BACE2: variants seen among roughly 807,000 people sequenced by gnomAD.
BACE2 encodes the protein beta-secretase 2, also known as 56 kDa aspartic-like protease.
BACE2 carries 17 observed loss-of-function variants against 46.2 expected under a neutral mutation model. That is an observed-to-expected ratio of 0.37 (90% CI 0.25 to 0.55). BACE2 has a LOEUF of 0.55. Among genes scored for constraint, BACE2 ranks in the 20% least tolerant of loss-of-function variants. The pLI is 0.82. For synonymous variants in BACE2, 277 were observed against 295.9 expected (o/e 0.94, Z 0.66); for missense variants, 595 against 698.1 (o/e 0.85, Z 1.66).
At chr21:41,172,019 C>T (rs1337157869) in intron 1 of BACE2, among the ~76,000 whole-genome samples, 1 of 152,224 alleles carries the variant, frequency 6.6e-6, no homozygotes, top group Non-Finnish European at 1.5e-5. Context: ...AAGAAGCCAT[C>T]CAGGCTCCCC....
chr21:41,243,781 A>G (rs1231913312), intron 5 of BACE2, among the ~76,000 whole-genome samples: 2 of 152,184 alleles, frequency 1.3e-5, no homozygotes, highest in African/African-American at 4.8e-5. Flanking sequence ...TCTGAGCTAC[A>G]CCTTTCACCA....
At position 41,275,633 on chromosome 21, in the gene BACE2, G is replaced by T. The variant is rs751218795; in HGVS notation, c.*9G>T. 1 of 1,612,788 alleles carries T rather than the reference G, an allele frequency of 6.2e-7. No individual in the cohort carries two copies. The highest frequency in any genetic ancestry group is 8.5e-7 in the Non-Finnish European group (1 of 1,179,352). ...GACATCGCTGGAAATGAATAGCCAGGCCTGACCTCAAGCAACCATGAACTC... is the reference window on the plus strand; with the variant it reads ...GACATCGCTGGAAATGAATAGCCAGTCCTGACCTCAAGCAACCATGAACTC... On this transcript the variant is annotated 3_prime_UTR_variant, in exon 9 of 9. Transcript: ENST00000330333.
At position 41,246,125 on chromosome 21, in the gene BACE2, C is replaced by T. The variant is rs115324950; in HGVS notation, c.984+62C>T. 2.4e-4 allele frequency: 309 copies of T among 1,314,484 alleles called. 1 individual carries two copies. In the African/African-American group the frequency reaches 3.9e-3, roughly 16 times the overall value. The allele number at this position is 1,314,484 out of a possible 1,614,324, so 81.4% of individuals were successfully genotyped here. ...TGAGTTACAGTCACCTGCTGAGGAG[C>T]AGCACTGCGTGTTCTGAGCATCTCT... On this transcript the variant is annotated intron_variant, in intron 6 of 8. Transcript: ENST00000330333.
At chr21:41,260,665 G>A (rs1239657244) in intron 8 of BACE2, among the ~76,000 whole-genome samples, 1 of 152,202 alleles carries the variant, frequency 6.6e-6, no homozygotes, top group Non-Finnish European at 1.5e-5. Context: ...ATCCGAGAGA[G>A]CATGACGGGG....
intron 8 of BACE2, among the ~76,000 whole-genome samples, chr21:41,271,338 A>G (rs2088432031): frequency 6.6e-6 from 1 of 152,180 alleles, no homozygotes. Flanking sequence ...TTGTTTCTGT[A>G]TGGCCTGTGA....
chr21:41,186,046 T>A (rs1985362745), intron 1 of BACE2: 1 of 152,152 alleles, frequency 6.6e-6, no homozygotes, highest in Admixed American at 6.5e-5. Flanking sequence ...GGTGAAGGGG[T>A]GGCAAGAATG....
intron 1 of BACE2, among the ~76,000 whole-genome samples, chr21:41,216,081 G>A (rs934383786): frequency 1.3e-5 from 2 of 152,190 alleles, no homozygotes; most frequent in Admixed American, 6.5e-5. Context: ...AGAGCGCGTC[G>A]TGTGAAATTT....
At chr21:41,206,525 T>C (rs1030857796) in intron 1 of BACE2, among the ~76,000 whole-genome samples, 26 of 152,362 alleles carry the variant, frequency 1.7e-4, no homozygotes, top group Middle Eastern at 6.8e-3. Flanking sequence ...TGCTATGTGA[T>C]AGAAGACTGT....
At chr21:41,219,330 C>T (rs1986568259) in intron 1 of BACE2, among the ~76,000 whole-genome samples, 1 of 152,100 alleles carries the variant, frequency 6.6e-6, no homozygotes, top group African/African-American at 2.4e-5. Context: ...AATTATTAAA[C>T]ACCAGAAATC....
intron 1 of BACE2, chr21:41,179,003 G>T: frequency 3.2e-6 from 3 of 924,388 alleles, no homozygotes; most frequent in Non-Finnish European, 4.3e-6. Flanking sequence ...GGCTTGAGGA[G>T]GACTGAGCCT....
At chr21:41,274,001 A>G (rs1459027089) in intron 8 of BACE2, among the ~76,000 whole-genome samples, 1 of 152,158 alleles carries the variant, frequency 6.6e-6, no homozygotes, top group Non-Finnish European at 1.5e-5. Context: ...TTGGAAGGTG[A>G]TTAGGTCACG....
At chr21:41,248,444 A>T (rs765287648) in intron 6 of BACE2, among the ~76,000 whole-genome samples, 7 of 152,058 alleles carry the variant, frequency 4.6e-5, no homozygotes, top group Admixed American at 2.6e-4. Context: ...TGGTCATGGC[A>T]CTATCATCTG....
At chr21:41,230,102 C>T (rs990762430) in intron 2 of BACE2, 4 of 152,218 alleles carry the variant, frequency 2.6e-5, no homozygotes, top group Non-Finnish European at 5.9e-5. Context: ...TATAACACAT[C>T]ACGCACCTTT....
intron 1 of BACE2, among the ~76,000 whole-genome samples, chr21:41,194,588 A>G (rs1243239177): frequency 6.6e-6 from 1 of 152,212 alleles, no homozygotes; most frequent in Non-Finnish European, 1.5e-5. Context: ...TAATGAAAAT[A>G]CAAGGCCCTC....
At chr21:41,238,819 G>A (rs1190866532) in intron 3 of BACE2, among the ~76,000 whole-genome samples, 2 of 102,220 alleles carry the variant, frequency 2.0e-5, no homozygotes, top group Middle Eastern at 6.0e-3. Context: ...GGGGGGAGGG[G>A]GGAGGGATAG....
intron 8 of BACE2, 23 bp downstream of exon 8, chr21:41,257,349 A>T (rs1410998989): frequency 6.2e-7 from 1 of 1,609,876 alleles, no homozygotes; most frequent in Non-Finnish European, 8.5e-7. Context: ...GGCATCGAAC[A>T]GGGATCCCCG....
chr21:41,235,626 C>T (rs1265199948), intron 2 of BACE2, among the ~76,000 whole-genome samples: 1 of 152,106 alleles, frequency 6.6e-6, no homozygotes, highest in Admixed American at 6.5e-5. Flanking sequence ...TACTTGAGCC[C>T]AGGAGTTTGA....
intron 2 of BACE2, among the ~76,000 whole-genome samples, chr21:41,229,187 T>A (rs1177737528): frequency 6.6e-6 from 1 of 152,256 alleles, no homozygotes; most frequent in African/African-American, 2.4e-5. Context: ...TTGTTTCCAC[T>A]GCTGGGCTCT....
chr21:41,254,362 C>T (rs1987721168), intron 7 of BACE2, among the ~76,000 whole-genome samples: 1 of 152,128 alleles, frequency 6.6e-6, no homozygotes, highest in South Asian at 2.1e-4. Context: ...TCAGTCTTTT[C>T]TGCTCCCTCC....
Sources: gnomAD v4.1 joint callset for allele counts (sites outside exome capture counted in the v4.1 genomes callset) on GRCh38, gnomAD v4.1.1 for gene constraint, MANE v1.5 for transcripts, NCBI Gene and HGNC (gene_info 2026-07-23, HGNC 2026-07-21) for gene names.